MALRD1: variants seen among roughly 807,000 people sequenced by gnomAD.
The protein encoded by MALRD1 is MAM and LDL receptor class A domain containing 1.
Under a neutral mutation model 242.1 loss-of-function variants are expected in MALRD1, and 247 were observed. That is an observed-to-expected ratio of 1.02 (90% CI 0.92 to 1.13). MALRD1 has a LOEUF of 1.13. Ranked by LOEUF, MALRD1 falls within the 50% of genes most tolerant of loss-of-function variation. The probability of loss-of-function intolerance (pLI) is 0.00; values close to 1 mark genes in which losing one functional copy is unlikely to be tolerated. For missense variants in MALRD1, 2,989 were observed against 2,533.1 expected (o/e 1.18, Z -3.86); for synonymous variants, 995 against 866.6 (o/e 1.15, Z -2.60).
intron 36 of MALRD1, among the ~76,000 whole-genome samples, chr10:19,625,491 G>T (rs1839613550): frequency 6.6e-6 from 1 of 152,000 alleles, no homozygotes; most frequent in Non-Finnish European, 1.5e-5. Context: ...TAAGCATACA[G>T]ATCATATCCT....
intron 36 of MALRD1, among the ~76,000 whole-genome samples, chr10:19,680,459 C>T (rs1842320112): frequency 6.6e-6 from 1 of 152,040 alleles, no homozygotes; most frequent in South Asian, 2.1e-4. Flanking sequence ...AGGATTGCAA[C>T]CCCTGCTTTT....
chr10:19,165,905 T>C, intron 13 of MALRD1, 95 bp downstream of exon 13: 1 of 910,162 alleles, frequency 1.1e-6, no homozygotes, highest in Non-Finnish European at 1.4e-6. Context: ...CTCATACCTT[T>C]TCAGGTGAGC....
rs562144315 is a variant in MALRD1 at position 19,645,881 on chromosome 10, TAAAAAA to T, written c.6137+29962_6137+29967del. 4.6e-5 allele frequency among the ~76,000 whole-genome samples: 7 copies of T among 151,722 alleles called. No homozygotes were observed. The East Asian group carries it at 1.4e-3, about 29-fold the overall frequency. ...TACCCTAAAACTTAAAGTATAATAA[TAAAAAA>T]AAAGAAATGGATAGGAGTCAAATTA... On this transcript the variant is annotated intron_variant, in intron 36 of 39. Coordinates refer to ENST00000454679, the MANE Select transcript of MALRD1 (RefSeq NM_001142308.3).
At chr10:19,545,639 T>C (rs551186929) in intron 32 of MALRD1, among the ~76,000 whole-genome samples, 1 of 92,426 alleles carries the variant, frequency 1.1e-5, no homozygotes, top group East Asian at 3.4e-4. Flanking sequence ...TTCCCTGGAA[T>C]CCATAAATTT....
At chr10:19,418,065 AT>A (rs1205032481) in intron 28 of MALRD1, among the ~76,000 whole-genome samples, 1 of 152,024 alleles carries the variant, frequency 6.6e-6, no homozygotes, top group South Asian at 2.1e-4. Context: ...GTCTTGACAA[AT>A]TTTTTTAATA....
rs1447726147 is a variant in MALRD1 at position 19,574,869 on chromosome 10, G to A, written c.5680+7166G>A. Among the ~76,000 whole-genome samples, 5 of 152,160 alleles carry A rather than the reference G, an allele frequency of 3.3e-5. No homozygotes were observed. In the East Asian group the frequency reaches 7.7e-4, roughly 23 times the overall value. ...AAGGAGATCTGAGAATTAGGGCAGC[G>A]AGGTAAAAGTAGAAATGTCATTGCA... On this transcript the variant is annotated intron_variant, in intron 33 of 39. Transcript: ENST00000454679.
intron 21 of MALRD1, among the ~76,000 whole-genome samples, chr10:19,294,237 T>A (rs777260013): frequency 6.6e-6 from 1 of 152,194 alleles, no homozygotes. Context: ...GTACTTACAT[T>A]CTAACTCCTG....
chr10:19,338,599 G>A (rs1175609516), intron 24 of MALRD1, among the ~76,000 whole-genome samples: 1 of 151,538 alleles, frequency 6.6e-6, no homozygotes, highest in Non-Finnish European at 1.5e-5. Context: ...GAAGAGATTT[G>A]GGTGGGGACA....
At chr10:19,534,470 C>T (rs1348417519) in intron 32 of MALRD1, among the ~76,000 whole-genome samples, 1 of 152,176 alleles carries the variant, frequency 6.6e-6, no homozygotes, top group African/African-American at 2.4e-5. Context: ...TACAGTACTG[C>T]AGGACCACTC....
At chr10:19,408,335 T>A (rs948343337) in intron 28 of MALRD1, among the ~76,000 whole-genome samples, 1 of 152,164 alleles carries the variant, frequency 6.6e-6, no homozygotes, top group African/African-American at 2.4e-5. Flanking sequence ...ATCTGGCTTG[T>A]TGGAAAATTG....
At chr10:19,395,701 C>T (rs187880178) in intron 28 of MALRD1, among the ~76,000 whole-genome samples, 7 of 152,288 alleles carry the variant, frequency 4.6e-5, no homozygotes, top group Middle Eastern at 3.4e-3. Context: ...CAGTTAGTTG[C>T]GACAACATCA....
chr10:19,209,848 C>T lies in MALRD1; in HGVS notation c.2991+168C>T, dbSNP rs540272420. Among the ~76,000 whole-genome samples, 33 of 152,250 alleles carry T rather than the reference C, an allele frequency of 2.2e-4. 1 individual carries two copies. Among genetic ancestry groups the T allele is most frequent in the Non-Finnish European group, 4.4e-4 (30 of 68,020 alleles). On this transcript the variant is annotated intron_variant, in intron 18 of 39. Coordinates refer to ENST00000454679, the MANE Select transcript of MALRD1 (RefSeq NM_001142308.3). ...TGTATCAAAGCTCTTTACATTGTTT[C>T]CTCCTTGACTACCCCCAATGATGTA...
chr10:19,532,495 C>G (rs1834464228), intron 32 of MALRD1, among the ~76,000 whole-genome samples: 1 of 152,112 alleles, frequency 6.6e-6, no homozygotes, highest in South Asian at 2.1e-4. Flanking sequence ...ACCTCATGAT[C>G]CACCCACCTC....
At chr10:19,138,821 C>T (rs76150914) in intron 10 of MALRD1, among the ~76,000 whole-genome samples, 14 of 152,124 alleles carry the variant, frequency 9.2e-5, no homozygotes, top group South Asian at 2.1e-4. Flanking sequence ...ATTTGATTTT[C>T]GACATATTTT....
chr10:19,733,288 T>A (rs1835368090), intron 39 of MALRD1, among the ~76,000 whole-genome samples: 1 of 152,168 alleles, frequency 6.6e-6, no homozygotes, highest in Admixed American at 6.5e-5. Flanking sequence ...GTCATTGTTG[T>A]TTCACCTCTA....
At position 19,655,835 on chromosome 10, in the gene MALRD1, A is replaced by G. The variant is rs565602279; in HGVS notation, c.6138-36447A>G. On this transcript the variant is annotated intron_variant, in intron 36 of 39. Transcript: ENST00000454679. Reference sequence around the variant, plus strand: ...TGATTTCAGGCAGTAGAGTGTATGGAATTTGGGGACAGAGTGTCTGAGTAA... The same window carrying G: ...TGATTTCAGGCAGTAGAGTGTATGGGATTTGGGGACAGAGTGTCTGAGTAA... Among the ~76,000 whole-genome samples the G allele has an allele frequency of 2.8e-4, 43 of 152,056 alleles. No individual in the cohort carries two copies. In the South Asian group the frequency reaches 8.5e-3, roughly 30 times the overall value.
At chr10:19,295,921 G>C (rs891906475) in intron 21 of MALRD1, among the ~76,000 whole-genome samples, 1 of 152,152 alleles carries the variant, frequency 6.6e-6, no homozygotes, top group African/African-American at 2.4e-5. Context: ...AGGTGATGCT[G>C]ATGCTACAGA....
intron 2 of MALRD1, among the ~76,000 whole-genome samples, chr10:19,080,250 C>T (rs529474515): frequency 6.6e-6 from 1 of 151,900 alleles, no homozygotes; most frequent in Non-Finnish European, 1.5e-5. Flanking sequence ...GCATTCTTCA[C>T]AAAATTGGAA....
At chr10:19,094,579 A>T (rs1835950484) in intron 4 of MALRD1, among the ~76,000 whole-genome samples, 1 of 151,614 alleles carries the variant, frequency 6.6e-6, no homozygotes. Context: ...GGAGCTGTAG[A>T]CCGGAGCTGT....
Sources: gnomAD v4.1 joint callset for allele counts (sites outside exome capture counted in the v4.1 genomes callset) on GRCh38, gnomAD v4.1.1 for gene constraint, MANE v1.5 for transcripts, NCBI Gene and HGNC (gene_info 2026-07-23, HGNC 2026-07-21) for gene names.